The following SLC24A2 variants were observed in gnomAD, a reference collection of about 807,000 sequenced individuals.
SLC24A2 encodes the protein solute carrier family 24 member 2.
Under a neutral mutation model 62.0 loss-of-function variants are expected in SLC24A2, and 36 were observed. The observed-to-expected ratio is 0.58, with a 90% CI of 0.44 to 0.77. The LOEUF (loss-of-function observed/expected upper bound fraction) is 0.77. Among genes scored for constraint, SLC24A2 ranks in the 30% least tolerant of loss-of-function variants. The probability of loss-of-function intolerance (pLI) is 0.00; values close to 1 mark genes in which losing one functional copy is unlikely to be tolerated. For missense variants in SLC24A2, 846 were observed against 817.9 expected (o/e 1.03, Z -0.42); for synonymous variants, 358 against 294.0 (o/e 1.22, Z -2.23).
At chr9:19,819,036 T>TAAACCA in the SLC24A2 span, among the ~76,000 whole-genome samples, 3 of 151,284 alleles carry the variant, frequency 2.0e-5, no homozygotes, top group Non-Finnish European at 4.4e-5. Context: ...AATCCAGAAA[T>TAAACCA]AAACCCAGAT....
At chr9:19,617,683 C>T (rs1203876159) in intron 4 of SLC24A2, among the ~76,000 whole-genome samples, 3 of 152,166 alleles carry the variant, frequency 2.0e-5, no homozygotes, top group African/African-American at 7.2e-5. Context: ...AAGTGAGATT[C>T]AAAGAAACAG....
intron 9 of SLC24A2, among the ~76,000 whole-genome samples, chr9:19,526,896 T>C (rs1360156897): frequency 2.6e-5 from 4 of 152,206 alleles, no homozygotes; most frequent in Non-Finnish European, 5.9e-5. Context: ...TGCTTTGGTA[T>C]TGTATCAAAG....
At chr9:20,262,534 G>T in the SLC24A2 span, among the ~76,000 whole-genome samples, 1 of 152,212 alleles carries the variant, frequency 6.6e-6, no homozygotes, top group African/African-American at 2.4e-5. Context: ...GCTAACCATA[G>T]CCCTGCTGCC....
chr9:19,513,186 ATATATGTATATATT>A lies in SLC24A2; in HGVS notation c.*2953_*2966del, dbSNP rs1292056001. The A allele has an allele frequency of 7.3e-6, 1 of 137,198 alleles. No individual in the cohort carries two copies. The highest frequency in any genetic ancestry group is 7.3e-5 in the Admixed American group (1 of 13,646). The allele number at this position is 137,198 out of a possible 1,614,324, so 8.5% of individuals were successfully genotyped here. A position where few individuals can be genotyped will look rare whatever the true frequency, so the allele number is the denominator to read the frequency against. Reference sequence around the variant, plus strand: ...TATATATATATATATGTATATATATATATATGTATATATTTATATATGTATATACACAGGCATGC... The same window carrying A: ...TATATATATATATATGTATATATATATATATATGTATATACACAGGCATGC... On this transcript the variant is annotated 3_prime_UTR_variant, in exon 11 of 11. Transcript: ENST00000341998.
intron 2 of SLC24A2, among the ~76,000 whole-genome samples, chr9:19,664,382 A>G (rs2118263950): frequency 6.6e-6 from 1 of 152,362 alleles, no homozygotes; most frequent in African/African-American, 2.4e-5. Flanking sequence ...CATTTACAGC[A>G]TGGTATCTGT....
At chr9:20,119,108 A>G in the SLC24A2 span, among the ~76,000 whole-genome samples, 2 of 152,190 alleles carry the variant, frequency 1.3e-5, no homozygotes, top group Non-Finnish European at 2.9e-5. Flanking sequence ...AGCCAGCAAG[A>G]AGCTAAGGCC....
chr9:20,118,163 G>A, the SLC24A2 span, among the ~76,000 whole-genome samples: 1 of 151,980 alleles, frequency 6.6e-6, no homozygotes, highest in Non-Finnish European at 1.5e-5. Flanking sequence ...ATCTACCCCT[G>A]TGTAGAGCTG....
chr9:19,570,961 C>A (rs903209561), intron 7 of SLC24A2, among the ~76,000 whole-genome samples: 1 of 152,160 alleles, frequency 6.6e-6, no homozygotes, highest in South Asian at 2.1e-4. Context: ...GTCCTGTTCC[C>A]CTTTGTGGAG....
chr9:19,624,024 G>A (rs1483114965), intron 2 of SLC24A2, among the ~76,000 whole-genome samples: 1 of 152,240 alleles, frequency 6.6e-6, no homozygotes. Flanking sequence ...GGAGTGGACA[G>A]GAAACTGTCC....
chr9:19,579,400 G>C (rs908098749), intron 5 of SLC24A2, among the ~76,000 whole-genome samples: 3 of 152,148 alleles, frequency 2.0e-5, no homozygotes, highest in African/African-American at 7.2e-5. Flanking sequence ...GCAGTCCTCA[G>C]CCTAAAGAGG....
At chr9:19,843,791 C>T in the SLC24A2 span, among the ~76,000 whole-genome samples, 7 of 152,208 alleles carry the variant, frequency 4.6e-5, no homozygotes, top group African/African-American at 1.2e-4. Flanking sequence ...TATTCTGTTC[C>T]TGTATTAATT....
intron 7 of SLC24A2, among the ~76,000 whole-genome samples, chr9:19,558,299 A>T (rs562351577): frequency 1.2e-4 from 18 of 152,314 alleles, no homozygotes; most frequent in African/African-American, 4.1e-4. Flanking sequence ...TCCTAGGTGC[A>T]AATTTAAAAA....
chr9:20,158,010 C>A, the SLC24A2 span, among the ~76,000 whole-genome samples: 4 of 151,684 alleles, frequency 2.6e-5, no homozygotes, highest in Non-Finnish European at 5.9e-5. Context: ...TCCCAATAAA[C>A]CATACAGCAG....
the SLC24A2 span, among the ~76,000 whole-genome samples, chr9:20,285,645 A>C: frequency 6.6e-6 from 1 of 152,196 alleles, no homozygotes; most frequent in Non-Finnish European, 1.5e-5. Flanking sequence ...ATCTCATCCA[A>C]AGTCACCTCA....
intron 2 of SLC24A2, among the ~76,000 whole-genome samples, chr9:19,671,745 C>G (rs1015993464): frequency 6.6e-6 from 1 of 152,018 alleles, no homozygotes; most frequent in African/African-American, 2.4e-5. Flanking sequence ...GCCGATTTTG[C>G]TGAGGCTTTT....
chr9:19,555,123 T>C (rs956615643), intron 7 of SLC24A2, among the ~76,000 whole-genome samples: 2 of 152,120 alleles, frequency 1.3e-5, no homozygotes, highest in Non-Finnish European at 2.9e-5. Context: ...CCACTTCACA[T>C]CACAATATGT....
the SLC24A2 span, among the ~76,000 whole-genome samples, chr9:20,038,056 G>A: frequency 6.6e-6 from 1 of 152,134 alleles, no homozygotes; most frequent in Non-Finnish European, 1.5e-5. Context: ...ATAAATGTTG[G>A]ATGTTTCAGG....
chr9:19,735,753 C>T (rs912179728), intron 2 of SLC24A2, among the ~76,000 whole-genome samples: 1 of 150,238 alleles, frequency 6.7e-6, no homozygotes, highest in Non-Finnish European at 1.5e-5. Context: ...CAAACTATCG[C>T]AAGGACAAAA....
chr9:19,603,438 G>C (rs913624109), intron 4 of SLC24A2, among the ~76,000 whole-genome samples: 43 of 151,804 alleles, frequency 2.8e-4, no homozygotes, highest in African/African-American at 7.0e-4. Context: ...AGGCCTGTTG[G>C]TTTCTTTCAT....
Sources: allele counts gnomAD v4.1 joint callset (sites outside exome capture counted in the v4.1 genomes callset), GRCh38; gene constraint gnomAD v4.1.1; transcripts MANE v1.5; gene names NCBI Gene and HGNC (gene_info 2026-07-23, HGNC 2026-07-21).